The following UGT1A5 variants were observed in gnomAD, a reference collection of about 807,000 sequenced individuals.
The protein encoded by UGT1A5 is UDP glucuronosyltransferase family 1 member A5, also known as UDP-glucuronosyltransferase 1A5.
A neutral mutation model predicts 40.3 loss-of-function variants in UGT1A5; 29 were observed. The observed-to-expected ratio is 0.72, with a 90% CI of 0.54 to 0.98. UGT1A5 has a LOEUF of 0.98. Ranked by LOEUF, UGT1A5 falls within the 50% of genes least tolerant of loss-of-function variation. The probability of loss-of-function intolerance (pLI) is 0.00; values close to 1 mark genes in which losing one functional copy is unlikely to be tolerated. For missense variants in UGT1A5, 678 were observed against 677.9 expected (o/e 1.00, Z 0.00); for synonymous variants, 257 against 262.5 (o/e 0.98, Z 0.20).
intron 1 of UGT1A5, chr2:233,755,175 G>T: frequency 8.0e-7 from 1 of 1,245,528 alleles, no homozygotes; most frequent in Non-Finnish European, 1.1e-6. Context: ...GTTTTTGTCG[G>T]GGTGCCACTT....
chr2:233,762,717 G>GT lies in UGT1A5; in HGVS notation c.868-4305dup, dbSNP rs34681509. 2.7e-3 allele frequency among the ~76,000 whole-genome samples: 387 copies of GT among 141,006 alleles called. 1 individual carries two copies. The highest frequency in any genetic ancestry group is 0.012 in the Middle Eastern group (3 of 260). 92.5% of individuals were successfully genotyped at this position (141,006 alleles called of 152,430 possible). On this transcript the variant is annotated intron_variant, in intron 1 of 4. Coordinates refer to ENST00000373414, the MANE Select transcript of UGT1A5 (RefSeq NM_019078.2). ...CATCTTTTCTTAAGTATTTTACACG[G>GT]TTTTTTTTTTTTGGTCACTACTGTG...
In UGT1A5 at chr2:233,731,080, T is replaced by C. The variant is rs548797519; in HGVS notation, c.867+17222T>C. Among the ~76,000 whole-genome samples, 7 of 152,364 alleles carry C rather than the reference T, an allele frequency of 4.6e-5. No individual in the cohort carries two copies. In the South Asian group the frequency reaches 1.2e-3, roughly 27 times the overall value. ...AACTTCCATGATTTAGATCCTTTTG[T>C]ATTCTTATTTCTGTGCCTTTTTTAT... On this transcript the variant is annotated intron_variant, in intron 1 of 4. Coordinates refer to ENST00000373414, the MANE Select transcript of UGT1A5 (RefSeq NM_019078.2).
intron 1 of UGT1A5, among the ~76,000 whole-genome samples, chr2:233,723,841 T>C (rs2077133746): frequency 2.6e-5 from 1 of 38,274 alleles, no homozygotes; most frequent in Non-Finnish European, 4.5e-5. Flanking sequence ...GAGCACAGGG[T>C]TGGGGGTAAG....
chr2:233,768,055 T>C, intron 3 of UGT1A5, 119 bp downstream of exon 3: 1 of 1,603,392 alleles, frequency 6.2e-7, no homozygotes, highest in Non-Finnish European at 8.5e-7. Context: ...ATATCCTACA[T>C]TGCTTTTTAT....
chr2:233,758,943 A>T (rs1444308221), intron 1 of UGT1A5, among the ~76,000 whole-genome samples: 2 of 152,240 alleles, frequency 1.3e-5, no homozygotes, highest in Non-Finnish European at 2.9e-5. Context: ...CAAATCAGTC[A>T]TCAGAATTTC....
chr2:233,729,741 G>A (rs746811742), intron 1 of UGT1A5: 25 of 1,613,946 alleles, frequency 1.5e-5, no homozygotes, highest in South Asian at 3.3e-5. Context: ...CAGACCACAT[G>A]ACATTCATGC....
At chr2:233,739,371 G>C (rs1691070576) in intron 1 of UGT1A5, among the ~76,000 whole-genome samples, 1 of 152,184 alleles carries the variant, frequency 6.6e-6, no homozygotes. Flanking sequence ...AGCTTGCACT[G>C]TGTGCCTGGA....
chr2:233,760,219 C>T (rs2125980617), intron 1 of UGT1A5: 1 of 1,593,340 alleles, frequency 6.3e-7, no homozygotes, highest in Non-Finnish European at 8.5e-7. Flanking sequence ...CTTGGTGTAT[C>T]GATTGGTTTT....
intron 1 of UGT1A5, among the ~76,000 whole-genome samples, chr2:233,727,012 G>T (rs2077577761): frequency 6.6e-6 from 1 of 152,100 alleles, no homozygotes; most frequent in Non-Finnish European, 1.5e-5. Flanking sequence ...TTTATCATTT[G>T]TTGTTTTTGT....
chr2:233,721,801 A>T, intron 1 of UGT1A5: 1 of 514,724 alleles, frequency 1.9e-6, no homozygotes, highest in Non-Finnish European at 3.9e-6. Context: ...AAGCACATGC[A>T]GCAAAAATCC....
intron 1 of UGT1A5, among the ~76,000 whole-genome samples, chr2:233,731,276 TTTTC>T (rs980011036): frequency 8.2e-5 from 12 of 146,468 alleles, no homozygotes; most frequent in African/African-American, 2.6e-4. Flanking sequence ...CCCTTCCAGT[TTTTC>T]TTTCTTTTTT....
In UGT1A5 at chr2:233,729,398, G is replaced by A. The variant is rs540607993; in HGVS notation, c.867+15540G>A. On this transcript the variant is annotated intron_variant, in intron 1 of 4. Coordinates refer to ENST00000373414, the MANE Select transcript of UGT1A5 (RefSeq NM_019078.2). The stretch of plus-strand genomic sequence containing the variant: ...TCGTGGACCCAGGATGAATTTGATC[G>A]CCATGTGCTGGGCCACACTCAACTG... 219 of 1,613,654 alleles carry A rather than the reference G, an allele frequency of 1.4e-4. 1 individual carries two copies. The South Asian group carries it at 1.7e-3, about 12-fold the overall frequency.
At chr2:233,725,607 T>C (rs2077462497) in intron 1 of UGT1A5, among the ~76,000 whole-genome samples, 1 of 152,174 alleles carries the variant, frequency 6.6e-6, no homozygotes, top group African/African-American at 2.4e-5. Context: ...TAGTTTTTTC[T>C]TGCTAAGTCT....
intron 1 of UGT1A5, chr2:233,719,713 C>T (rs761088378): frequency 6.2e-7 from 1 of 1,613,962 alleles, no homozygotes; most frequent in African/African-American, 1.3e-5. Flanking sequence ...TTCATCCAAT[C>T]AATGTTCCAG....
chr2:233,769,089 A>G lies in UGT1A5; in HGVS notation c.1307+650A>G, dbSNP rs1396019687. Among the ~76,000 whole-genome samples the G allele has an allele frequency of 1.3e-5, 2 of 152,242 alleles. No individual in the cohort carries two copies. The highest frequency in any genetic ancestry group is 4.8e-5 in the African/African-American group (2 of 41,460). ...AGAAATACTCCATTATAAGAAGCAT[A>G]GTATCTTTAAGAGAAAAACAACTCA... On this transcript the variant is annotated intron_variant, in intron 4 of 4. Transcript: ENST00000373414. The surrounding 1 kb of genome is among the most constrained non-coding windows in gnomAD (Gnocchi z 4.4).
intron 1 of UGT1A5, chr2:233,755,763 T>G (rs1382676061): frequency 6.5e-6 from 1 of 152,928 alleles, no homozygotes; most frequent in Non-Finnish European, 1.5e-5. Context: ...TTTGCTTTTG[T>G]TCATCTGGAT....
At position 233,763,257 on chromosome 2, in the gene UGT1A5, T is replaced by C. The variant is rs187516962; in HGVS notation, c.868-3777T>C. On this transcript the variant is annotated intron_variant, in intron 1 of 4. Transcript: ENST00000373414. ...AATTGTACCTTTTAGTAACCTGTTTTGTCTTGTTGCATGTTTTAATCTGAA... is the reference window on the plus strand; with the variant it reads ...AATTGTACCTTTTAGTAACCTGTTTCGTCTTGTTGCATGTTTTAATCTGAA... 1.1e-3 allele frequency among the ~76,000 whole-genome samples: 161 copies of C among 152,386 alleles called. 7 individuals carry two copies. The South Asian group carries it at 0.032, about 31-fold the overall frequency.
intron 1 of UGT1A5, among the ~76,000 whole-genome samples, chr2:233,724,164 AC>A (rs1305793865): frequency 2.6e-4 from 26 of 101,282 alleles, no homozygotes; most frequent in African/African-American, 4.5e-4. Flanking sequence ...GGGGGGGCTG[AC>A]CCCCCCATCT....
chr2:233,760,739 A>C, intron 1 of UGT1A5: 1 of 1,613,934 alleles, frequency 6.2e-7, no homozygotes, highest in Non-Finnish European at 8.5e-7. Context: ...ATGCTGACGG[A>C]CCCTTTCCTT....
Sources: gnomAD v4.1 joint callset for allele counts (sites outside exome capture counted in the v4.1 genomes callset) on GRCh38, gnomAD v4.1.1 for gene constraint, Gnocchi (gnomAD v3.1) non-coding constraint, MANE v1.5 for transcripts, NCBI Gene and HGNC (gene_info 2026-07-23, HGNC 2026-07-21) for gene names.